Variants in PROK2 observed in about 807,000 individuals in gnomAD.
PROK2 encodes prokineticin 2, also known as prokineticin-2.
Under a neutral mutation model 14.2 loss-of-function variants are expected in PROK2, and 8 were observed. That is an observed-to-expected ratio of 0.56 (90% confidence interval 0.33 to 1.02). The LOEUF (loss-of-function observed/expected upper bound fraction) is 1.02, where lower values mean the gene tolerates loss of function less well. PROK2 is among the 50% of genes least tolerant of loss of function. The pLI is 0.03. For synonymous variants in PROK2, 59 were observed against 60.7 expected (o/e 0.97, Z 0.13); for missense variants, 154 against 160.4 (o/e 0.96, Z 0.22).
chr3:71,776,293 C>G (rs555719458), intron 2 of PROK2, among the ~76,000 whole-genome samples: 4 of 151,832 alleles, frequency 2.6e-5, no homozygotes, highest in Non-Finnish European at 4.4e-5. Context: ...CTGTGAGCTC[C>G]TAACGACAAA....
chr3:71,775,112 G>A (rs2050108462), intron 2 of PROK2, among the ~76,000 whole-genome samples: 1 of 152,142 alleles, frequency 6.6e-6, no homozygotes, highest in Admixed American at 6.5e-5. Flanking sequence ...CTACGACAAA[G>A]AATTATCTGG....
At chr3:71,778,613 A>G (rs923578550) in intron 2 of PROK2, among the ~76,000 whole-genome samples, 12 of 152,222 alleles carry the variant, frequency 7.9e-5, no homozygotes, top group African/African-American at 2.7e-4. Context: ...CATTTTTACT[A>G]TCTACTAATG....
chr3:71,775,548 G>C (rs2050111540), intron 2 of PROK2, among the ~76,000 whole-genome samples: 1 of 152,158 alleles, frequency 6.6e-6, no homozygotes, highest in Non-Finnish European at 1.5e-5. Context: ...GTGCGCCATG[G>C]GTCAGGTCTC....
chr3:71,781,433 G>T, intron 2 of PROK2, 34 bp downstream of exon 2: 2 of 1,611,180 alleles, frequency 1.2e-6, no homozygotes, highest in Non-Finnish European at 1.7e-6. Context: ...TACCACAGTA[G>T]AACCACCATG....
intron 2 of PROK2, among the ~76,000 whole-genome samples, chr3:71,776,837 C>T (rs542974467): frequency 3.3e-5 from 5 of 152,294 alleles, no homozygotes; most frequent in Non-Finnish European, 5.9e-5. Context: ...CACACTGGAA[C>T]CACTTAGTCC....
chr3:71,775,629 A>G (rs957239372), intron 2 of PROK2, among the ~76,000 whole-genome samples: 1 of 152,180 alleles, frequency 6.6e-6, no homozygotes, highest in African/African-American at 2.4e-5. Flanking sequence ...GATAGAGGTA[A>G]GTGGCTTCCT....
chr3:71,772,450 C>T lies in PROK2; in HGVS notation c.*274G>A. The T allele has an allele frequency of 2.7e-6, 1 of 373,804 alleles. No homozygotes were observed. The highest frequency in any genetic ancestry group is 4.8e-6 in the Non-Finnish European group (1 of 208,386). The allele number at this position is 373,804 out of a possible 1,614,324, so 23.2% of individuals were successfully genotyped here. Reference sequence around the variant, plus strand: ...TTTGTGAAAATGGGTACGTTTTTGACATTTAAGAAAAAAGCCAAATCAAAC... The same window carrying T: ...TTTGTGAAAATGGGTACGTTTTTGATATTTAAGAAAAAAGCCAAATCAAAC... On this transcript the variant is annotated 3_prime_UTR_variant, in exon 4 of 4. Coordinates refer to ENST00000295619, the MANE Select transcript of PROK2 (RefSeq NM_001126128.2).
In PROK2 at chr3:71,774,448, CT is replaced by C; in HGVS notation, c.281del (p.Lys94ArgfsTer33). On this transcript the variant is annotated frameshift_variant, in exon 3 of 4. Coordinates refer to ENST00000295619, the MANE Select transcript of PROK2 (RefSeq NM_001126128.2). LOFTEE classifies it high-confidence loss of function. ...ACCACATTCGCATTCTTCTTACCTCCTTTTTCCTTTTGCTTCTCTTCCTCTT... is the reference window on the plus strand; with the variant it reads ...ACCACATTCGCATTCTTCTTACCTCCTTTTCCTTTTGCTTCTCTTCCTCTT... ...RRKRKRSKRK[K>X]EVPFFGRRMH... 6.4e-7 allele frequency: 1 copy of C among 1,551,452 alleles called. No individual in the cohort carries two copies. Among genetic ancestry groups the C allele is most frequent in the East Asian group, 2.4e-5 (1 of 40,908 alleles).
chr3:71,785,116 T>C lies in PROK2; in HGVS notation c.-64A>G. On this transcript the variant is annotated 5_prime_UTR_variant, in exon 1 of 4. Coordinates refer to ENST00000295619, the MANE Select transcript of PROK2 (RefSeq NM_001126128.2). ...GGGCGCGGGGCCCGGGTGCGCTGGG[T>C]GGAGCGCGGAGCGGCGGGCGGACGG... The C allele has an allele frequency of 9.2e-7, 1 of 1,086,580 alleles. No homozygotes were observed. Among genetic ancestry groups the C allele is most frequent in the Non-Finnish European group, 1.2e-6 (1 of 859,536 alleles). The allele number at this position is 1,086,580 out of a possible 1,614,324, so 67.3% of individuals were successfully genotyped here.
chr3:71,783,873 G>A lies in PROK2; in HGVS notation c.96+1084C>T, dbSNP rs149956929. ...TATCTGTTGGATATATACAAATGCTGTCATAGCAAAAGGACTTTCAAAATT... is the reference window on the plus strand; with the variant it reads ...TATCTGTTGGATATATACAAATGCTATCATAGCAAAAGGACTTTCAAAATT... On this transcript the variant is annotated intron_variant, in intron 1 of 3. Coordinates refer to ENST00000295619, the MANE Select transcript of PROK2 (RefSeq NM_001126128.2). Among the ~76,000 whole-genome samples, 955 of 152,296 alleles carry A rather than the reference G, an allele frequency of 6.3e-3. 6 individuals are homozygous for A. Among genetic ancestry groups the A allele is most frequent in the Middle Eastern group, 0.017 (5 of 294 alleles).
intron 1 of PROK2, among the ~76,000 whole-genome samples, chr3:71,782,782 C>T: frequency 6.6e-6 from 1 of 152,132 alleles, no homozygotes; most frequent in South Asian, 2.1e-4. Context: ...AACATTATTT[C>T]TCATTAAAAG....
intron 1 of PROK2, 59 bp from the exon 2 acceptor site, chr3:71,781,651 A>C: frequency 6.5e-7 from 1 of 1,546,828 alleles, no homozygotes; most frequent in South Asian, 1.1e-5. Flanking sequence ...AGGCTAAGGA[A>C]ACCTAAAATT....
chr3:71,781,924 C>T (rs889700347), intron 1 of PROK2, among the ~76,000 whole-genome samples: 1 of 151,848 alleles, frequency 6.6e-6, no homozygotes, highest in Admixed American at 6.6e-5. Context: ...AAGAACAAGA[C>T]TATATTACTC....
intron 1 of PROK2, 117 bp downstream of exon 1, chr3:71,784,840 C>T (rs1362492008): frequency 7.5e-6 from 7 of 935,530 alleles, no homozygotes; most frequent in Non-Finnish European, 9.7e-6. Flanking sequence ...GCAGGTGTCC[C>T]CGCCCAGGGC....
At chr3:71,776,657 C>T (rs1033128052) in intron 2 of PROK2, among the ~76,000 whole-genome samples, 5 of 152,104 alleles carry the variant, frequency 3.3e-5, no homozygotes, top group Admixed American at 2.6e-4. Context: ...GGATTACAGA[C>T]GTGAGTCACT....
intron 2 of PROK2, among the ~76,000 whole-genome samples, chr3:71,778,665 G>A (rs1305157017): frequency 6.6e-6 from 1 of 152,074 alleles, no homozygotes; most frequent in African/African-American, 2.4e-5. Flanking sequence ...TGTACATAAT[G>A]TTCATCAGTA....
intron 2 of PROK2, among the ~76,000 whole-genome samples, chr3:71,775,842 C>G (rs771694223): frequency 6.6e-6 from 1 of 152,168 alleles, no homozygotes; most frequent in Non-Finnish European, 1.5e-5. Flanking sequence ...AGAAAACACT[C>G]AGGAGATATT....
intron 2 of PROK2, among the ~76,000 whole-genome samples, chr3:71,774,825 T>C (rs556861077): frequency 1.3e-5 from 2 of 152,082 alleles, no homozygotes; most frequent in Non-Finnish European, 2.9e-5. Flanking sequence ...TAGACTGGCT[T>C]AGACAGTTAT....
At chr3:71,783,251 C>T (rs893288542) in intron 1 of PROK2, among the ~76,000 whole-genome samples, 1 of 152,166 alleles carries the variant, frequency 6.6e-6, no homozygotes, top group Non-Finnish European at 1.5e-5. Flanking sequence ...ACATGCTATA[C>T]ACAATGTATC....
Sources: allele counts gnomAD v4.1 joint callset (sites outside exome capture counted in the v4.1 genomes callset), GRCh38; gene constraint gnomAD v4.1.1; transcripts MANE v1.5; gene names NCBI Gene and HGNC (gene_info 2026-07-23, HGNC 2026-07-21).